SLC24A2: variants seen among roughly 807,000 people sequenced by gnomAD.
SLC24A2 encodes solute carrier family 24 member 2.
In SLC24A2, 36 loss-of-function variants were observed where a neutral mutation model predicts 62.0. The observed-to-expected ratio is 0.58, with a 90% confidence interval of 0.44 to 0.77. The LOEUF (loss-of-function observed/expected upper bound fraction) is 0.77. Among genes scored for constraint, SLC24A2 ranks in the 30% least tolerant of loss-of-function variants. The pLI is 0.00. For missense variants in SLC24A2, 846 were observed against 817.9 expected (o/e 1.03, Z -0.42); for synonymous variants, 358 against 294.0 (o/e 1.22, Z -2.23).
intron 7 of SLC24A2, among the ~76,000 whole-genome samples, chr9:19,553,026 A>G (rs1315601486): frequency 3.3e-5 from 5 of 152,174 alleles, no homozygotes; most frequent in African/African-American, 1.2e-4. Context: ...TGGAAACTTC[A>G]CAGCCTCCTG....
intron 5 of SLC24A2, among the ~76,000 whole-genome samples, chr9:19,582,267 G>T (rs1412625911): frequency 2.0e-5 from 3 of 152,180 alleles, no homozygotes; most frequent in Non-Finnish European, 4.4e-5. Context: ...TGGAGGGTCT[G>T]TTCACTCAAA....
At chr9:20,296,787 T>C in the SLC24A2 span, among the ~76,000 whole-genome samples, 1 of 152,228 alleles carries the variant, frequency 6.6e-6, no homozygotes, top group Non-Finnish European at 1.5e-5. Context: ...TATGCATTTA[T>C]AAATTTCACT....
chr9:19,834,467 G>A, the SLC24A2 span, among the ~76,000 whole-genome samples: 1 of 152,198 alleles, frequency 6.6e-6, no homozygotes, highest in Admixed American at 6.5e-5. Flanking sequence ...CTGGAAGACA[G>A]GGTATCAGCG....
chr9:19,769,870 G>C (rs557525550), intron 2 of SLC24A2, among the ~76,000 whole-genome samples: 71 of 152,036 alleles, frequency 4.7e-4, no homozygotes, highest in African/African-American at 1.7e-3. Flanking sequence ...GTGTCTGTGG[G>C]GGGTTGCCTG....
the SLC24A2 span, among the ~76,000 whole-genome samples, chr9:20,082,315 G>T: frequency 6.6e-6 from 1 of 152,302 alleles, no homozygotes; most frequent in South Asian, 2.1e-4. Flanking sequence ...AGTTGTGTGG[G>T]AGATCCAGGT....
the SLC24A2 span, among the ~76,000 whole-genome samples, chr9:20,058,408 A>G: frequency 7.9e-5 from 12 of 152,138 alleles, 1 homozygote; most frequent in Middle Eastern, 6.8e-3. Flanking sequence ...ACCCATAACT[A>G]TTACTATTGG....
chr9:19,642,217 C>T (rs1433754896), intron 2 of SLC24A2, among the ~76,000 whole-genome samples: 1 of 152,150 alleles, frequency 6.6e-6, no homozygotes, highest in Non-Finnish European at 1.5e-5. Flanking sequence ...TTTACGCTTA[C>T]ACACACATTC....
In SLC24A2 at chr9:19,742,001, A is replaced by G. The variant is rs114838133; in HGVS notation, c.930+43936T>C. 8.6e-3 allele frequency among the ~76,000 whole-genome samples: 1,314 copies of G among 152,316 alleles called. 13 individuals carry two copies. The highest frequency in any genetic ancestry group is 0.03 in the African/African-American group (1,254 of 41,582). On this transcript the variant is annotated intron_variant, in intron 2 of 10. Transcript: ENST00000341998. ...GCAATGGGACAATTTTTGACAAAGT[A>G]TATCTGAGCATAAGCCACACATCTC...
At chr9:20,188,691 C>T in the SLC24A2 span, among the ~76,000 whole-genome samples, 1 of 151,960 alleles carries the variant, frequency 6.6e-6, no homozygotes, top group Non-Finnish European at 1.5e-5. Context: ...ACAACAGAAG[C>T]AGGAGCTAGG....
At chr9:19,663,233 G>C (rs917907393) in intron 2 of SLC24A2, among the ~76,000 whole-genome samples, 1 of 152,180 alleles carries the variant, frequency 6.6e-6, no homozygotes, top group Non-Finnish European at 1.5e-5. Context: ...CTTGCTCAAG[G>C]CTGCACAGCT....
chr9:20,006,003 T>A, the SLC24A2 span, among the ~76,000 whole-genome samples: 1 of 151,814 alleles, frequency 6.6e-6, no homozygotes, highest in Non-Finnish European at 1.5e-5. Flanking sequence ...TATTCTGTCA[T>A]ACCACATATA....
At chr9:19,908,903 C>T in the SLC24A2 span, among the ~76,000 whole-genome samples, 1 of 151,848 alleles carries the variant, frequency 6.6e-6, no homozygotes, top group Non-Finnish European at 1.5e-5. Flanking sequence ...ACTAGTTCAA[C>T]TATTGTGGAA....
the SLC24A2 span, among the ~76,000 whole-genome samples, chr9:20,291,222 A>T: frequency 2.5e-4 from 38 of 152,288 alleles, no homozygotes; most frequent in African/African-American, 8.9e-4. Context: ...AACACAGGAG[A>T]GCATAAGAGA....
At chr9:19,582,894 A>G (rs1202921167) in intron 5 of SLC24A2, among the ~76,000 whole-genome samples, 1 of 151,166 alleles carries the variant, frequency 6.6e-6, no homozygotes, top group Non-Finnish European at 1.5e-5. Flanking sequence ...TTTTCCTTCC[A>G]CCCCTTTCCC....
At chr9:20,248,221 C>G in the SLC24A2 span, among the ~76,000 whole-genome samples, 1 of 152,128 alleles carries the variant, frequency 6.6e-6, no homozygotes, top group Admixed American at 6.5e-5. Context: ...GCAAGGAACC[C>G]GTATGGGAGC....
the SLC24A2 span, among the ~76,000 whole-genome samples, chr9:19,808,488 G>A: frequency 0.017 from 2,542 of 152,204 alleles, 25 homozygotes; most frequent in Middle Eastern, 0.037. The surrounding 1 kb of genome is among the most constrained non-coding windows in gnomAD (Gnocchi z 4.1). Flanking sequence ...ATGCTAACCC[G>A]TCCAAACCCA....
chr9:19,977,214 T>A, the SLC24A2 span, among the ~76,000 whole-genome samples: 1 of 152,006 alleles, frequency 6.6e-6, no homozygotes, highest in Admixed American at 6.6e-5. Flanking sequence ...TGATTCTGGA[T>A]AAAGGGTACA....
chr9:19,519,099 T>C (rs1178523221), intron 10 of SLC24A2, among the ~76,000 whole-genome samples: 1 of 152,154 alleles, frequency 6.6e-6, no homozygotes, highest in Non-Finnish European at 1.5e-5. Context: ...GAGGGAATAT[T>C]TGAAGCCACA....
the SLC24A2 span, among the ~76,000 whole-genome samples, chr9:19,983,467 A>T: frequency 8.5e-5 from 13 of 152,208 alleles, no homozygotes; most frequent in Non-Finnish European, 1.5e-4. Flanking sequence ...ACATGGTGAA[A>T]CCCCGTCTCT....
Sources: gnomAD v4.1 joint callset for allele counts (sites outside exome capture counted in the v4.1 genomes callset) on GRCh38, gnomAD v4.1.1 for gene constraint, Gnocchi (gnomAD v3.1) non-coding constraint, MANE v1.5 for transcripts, NCBI Gene and HGNC (gene_info 2026-07-23, HGNC 2026-07-21) for gene names.